Variants in ANAPC1 observed in about 807,000 individuals in gnomAD.
ANAPC1 encodes the protein anaphase-promoting complex subunit 1.
In ANAPC1, 36 loss-of-function variants were observed where a neutral mutation model predicts 208.0. The observed-to-expected ratio is 0.17, with a 90% CI of 0.13 to 0.23. The LOEUF (loss-of-function observed/expected upper bound fraction) is 0.23. ANAPC1 is among the 10% of genes least tolerant of loss of function. The probability of loss-of-function intolerance (pLI) is 1.00; values close to 1 mark genes in which losing one functional copy is unlikely to be tolerated. For missense variants in ANAPC1, 942 were observed against 2,011.6 expected, an observed-to-expected ratio of 0.47 and a Z score of 10.17; for synonymous variants, 378 against 695.2, an observed-to-expected ratio of 0.54 and a Z score of 7.18.
chr2:111,843,926 G>A (rs1197563822), intron 16 of ANAPC1, among the ~76,000 whole-genome samples: 1 of 143,356 alleles, frequency 7.0e-6, no homozygotes, highest in Non-Finnish European at 1.5e-5. Flanking sequence ...CTGAGTTCAA[G>A]CGATTCTCCT....
intron 36 of ANAPC1, 40 bp downstream of exon 36, chr2:111,794,193 A>G (rs745897918): frequency 6.4e-7 from 1 of 1,552,242 alleles, no homozygotes; most frequent in Non-Finnish European, 8.7e-7. Context: ...TGTTAAAACA[A>G]ACAAAAAAAA....
At chr2:111,825,543 C>T (rs1679787235) in intron 22 of ANAPC1, among the ~76,000 whole-genome samples, 1 of 152,164 alleles carries the variant, frequency 6.6e-6, no homozygotes, top group Non-Finnish European at 1.5e-5. Flanking sequence ...CAATAATTTC[C>T]TTCAGGCTAA....
intron 16 of ANAPC1, among the ~76,000 whole-genome samples, chr2:111,846,559 A>ATATATAT (rs1553430004): frequency 8.6e-5 from 4 of 46,266 alleles, no homozygotes; most frequent in African/African-American, 3.2e-4. Context: ...ATATATATAT[A>ATATATAT]TTTTTTTTTT....
At chr2:111,846,673 G>A (rs78510317) in intron 16 of ANAPC1, among the ~76,000 whole-genome samples, 37 of 145,056 alleles carry the variant, frequency 2.6e-4, no homozygotes, top group African/African-American at 8.5e-4. Context: ...GGGTTCAAGC[G>A]ATTCTCCTGC....
At position 111,859,731 on chromosome 2, in the gene ANAPC1, G is replaced by A. The variant is rs10194621; in HGVS notation, c.1263-1330C>T. 5.8e-3 allele frequency among the ~76,000 whole-genome samples: 876 copies of A among 152,098 alleles called. 8 individuals carry two copies. The highest frequency in any genetic ancestry group is 0.02 in the African/African-American group (837 of 41,476). Reference sequence around the variant, plus strand: ...ATTTGCCTTCCATTTCAGATAAAACGAGGCTCTAAGGCTTGAGCTCAACCT... The same window carrying A: ...ATTTGCCTTCCATTTCAGATAAAACAAGGCTCTAAGGCTTGAGCTCAACCT... On this transcript the variant is annotated intron_variant, in intron 10 of 47. Coordinates refer to ENST00000341068, the MANE Select transcript of ANAPC1 (RefSeq NM_022662.4).
At chr2:111,783,007 C>T (rs1451168548) in intron 42 of ANAPC1, among the ~76,000 whole-genome samples, 3 of 152,096 alleles carry the variant, frequency 2.0e-5, no homozygotes, top group African/African-American at 7.2e-5. Flanking sequence ...AAAGGCTTAA[C>T]TGACATGCTA....
At chr2:111,787,272 G>A (rs1323568108) in intron 39 of ANAPC1, among the ~76,000 whole-genome samples, 2 of 147,986 alleles carry the variant, frequency 1.4e-5, no homozygotes, top group Non-Finnish European at 3.0e-5. Flanking sequence ...GCCAATAATT[G>A]GCTTTAACAA....
intron 24 of ANAPC1, among the ~76,000 whole-genome samples, chr2:111,823,196 T>G (rs1043449877): frequency 6.6e-5 from 10 of 151,510 alleles, no homozygotes; most frequent in African/African-American, 2.4e-4. Context: ...TAATTTTTTT[T>G]TTAGTAGAGA....
chr2:111,831,210 C>T (rs954747247), intron 21 of ANAPC1, 76 bp downstream of exon 21: 210 of 1,504,628 alleles, frequency 1.4e-4, no homozygotes, highest in Non-Finnish European at 1.7e-4. Flanking sequence ...CAGAAAAAAA[C>T]TTAATATCAG....
intron 10 of ANAPC1, among the ~76,000 whole-genome samples, chr2:111,858,951 T>G (rs1681899802): frequency 6.6e-6 from 1 of 152,090 alleles, no homozygotes; most frequent in Non-Finnish European, 1.5e-5. Flanking sequence ...TACAATAAAT[T>G]TAACAATTAC....
chr2:111,786,965 G>A (rs1334581837), intron 39 of ANAPC1, among the ~76,000 whole-genome samples: 12 of 151,594 alleles, frequency 7.9e-5, no homozygotes, highest in African/African-American at 1.9e-4. Flanking sequence ...TGGCTAATAC[G>A]GTGAAACCCC....
At chr2:111,838,215 C>T (rs911910864) in intron 18 of ANAPC1, among the ~76,000 whole-genome samples, 11 of 152,136 alleles carry the variant, frequency 7.2e-5, no homozygotes, top group Admixed American at 1.3e-4. Context: ...CAAACCCAAA[C>T]TGAAATCATG....
rs556961900 is a variant in ANAPC1 at position 111,853,609 on chromosome 2, G to A, written c.1516-2699C>T. Among the ~76,000 whole-genome samples the A allele has an allele frequency of 1.3e-4, 19 of 151,924 alleles. No individual in the cohort carries two copies. In the South Asian group the frequency reaches 3.8e-3, roughly 30 times the overall value. ...TTGAGCCCCTCAAAGTCACCCATGA[G>A]GGTTGGAATCAACTTCTTCCAAATT... On this transcript the variant is annotated intron_variant, in intron 13 of 47. Transcript: ENST00000341068.
chr2:111,782,308 G>A, intron 43 of ANAPC1, 61 bp downstream of exon 43: 2 of 1,607,530 alleles, frequency 1.2e-6, no homozygotes, highest in African/African-American at 1.3e-5. Context: ...TTATAGCAAT[G>A]GGCGAGGAAG....
chr2:111,846,100 T>C (rs944842403), intron 16 of ANAPC1, among the ~76,000 whole-genome samples: 20 of 152,150 alleles, frequency 1.3e-4, no homozygotes, highest in African/African-American at 4.3e-4. Flanking sequence ...AATCTGCCAA[T>C]GTCCTGCTTT....
chr2:111,846,568 T>C, intron 16 of ANAPC1, among the ~76,000 whole-genome samples: 1 of 119,240 alleles, frequency 8.4e-6, no homozygotes, highest in African/African-American at 3.2e-5. Flanking sequence ...TATTTTTTTT[T>C]TTTTTTTTTT....
chr2:111,834,803 A>G lies in ANAPC1; in HGVS notation c.2185T>C (p.Cys729Arg). The change falls in exon 19 of 48, where the codon TGT becomes CGT. Residue 729 changes from cysteine (C) to arginine (R), a missense_variant. Coordinates refer to ENST00000341068, the MANE Select transcript of ANAPC1 (RefSeq NM_022662.4). Reference protein sequence around the residue: ...VESHLLNRSLCLSPSEASQMK... With the variant: ...VESHLLNRSLRLSPSEASQMK... ...TGTGAAGCTTCTGAAGGACTCAGACATAAAGATCTGTTCAAAAGATGAGAC... is the reference window on the plus strand; with the variant it reads ...TGTGAAGCTTCTGAAGGACTCAGACGTAAAGATCTGTTCAAAAGATGAGAC... The G allele has an allele frequency of 1.2e-6, 2 of 1,612,482 alleles. No individual in the cohort carries two copies. The highest frequency in any genetic ancestry group is 1.7e-6 in the Non-Finnish European group (2 of 1,179,576).
chr2:111,842,171 T>C (rs7606825), intron 17 of ANAPC1, among the ~76,000 whole-genome samples: 8,945 of 152,186 alleles, frequency 0.059, 820 homozygotes, highest in African/African-American at 0.19. Flanking sequence ...TATGAAGAAA[T>C]GATGGAGATA....
chr2:111,865,627 G>GT (rs979100366), intron 7 of ANAPC1, among the ~76,000 whole-genome samples: 2 of 151,954 alleles, frequency 1.3e-5, no homozygotes, highest in African/African-American at 2.4e-5. Context: ...AGAATTTTTG[G>GT]TTTTTTTCAT....
Sources: gnomAD v4.1 joint callset for allele counts (sites outside exome capture counted in the v4.1 genomes callset) on GRCh38, gnomAD v4.1.1 for gene constraint, MANE v1.5 for transcripts, NCBI Gene and HGNC (gene_info 2026-07-23, HGNC 2026-07-21) for gene names.